The following FANCA variants were observed in gnomAD, a reference collection of about 807,000 sequenced individuals.
The protein encoded by FANCA is FA complementation group A, also known as Fanconi anemia group A protein.
A neutral mutation model predicts 194.3 loss-of-function variants in FANCA; 236 were observed. The ratio of observed to expected loss-of-function variants is 1.21; its 90% confidence interval spans 1.09 to 1.35. The LOEUF is 1.35. Ranked by LOEUF, FANCA falls within the 40% of genes most tolerant of loss-of-function variation. The pLI, the probability that FANCA is intolerant of heterozygous loss-of-function variation, is 0.00. For synonymous variants in FANCA, 1,014 were observed against 715.8 expected, an observed-to-expected ratio of 1.42 and a Z score of -6.65; for missense variants, 2,628 against 1,813.9, an observed-to-expected ratio of 1.45 and a Z score of -8.15.
intron 35 of FANCA, among the ~76,000 whole-genome samples, chr16:89,746,380 G>A (rs1186619250): frequency 6.6e-6 from 1 of 152,178 alleles, no homozygotes; most frequent in African/African-American, 2.4e-5. Flanking sequence ...GGCGGTGGGG[G>A]CAGGGACGGT....
rs780078944 is a variant in FANCA, at chr16:89,774,729, C to CAAAAAAAAAAAAAAAAA, written c.1900+996_1900+1012dup. Among the ~76,000 whole-genome samples the CAAAAAAAAAAAAAAAAA allele has an allele frequency of 7.2e-4, 16 of 22,196 alleles. 5 individuals are homozygous for CAAAAAAAAAAAAAAAAA. Among genetic ancestry groups the CAAAAAAAAAAAAAAAAA allele is most frequent in the Non-Finnish European group, 1.1e-3 (13 of 12,282 alleles). 14.6% of individuals were successfully genotyped at this position (22,196 alleles called of 152,430 possible). A position where few individuals can be genotyped will look rare whatever the true frequency, so the allele number is the denominator to read the frequency against. ...TGGGCAACAGAGCGAGACTCTGTCTCAAAAAAAAAAAAAAAAAAAAAAAAA... is the reference window on the plus strand; with the variant it reads ...TGGGCAACAGAGCGAGACTCTGTCTCAAAAAAAAAAAAAAAAAAAAAAAAAAAAAAAAAAAAAAAAAA... On this transcript the variant is annotated intron_variant, in intron 21 of 42. Coordinates refer to ENST00000389301, the MANE Select transcript of FANCA (RefSeq NM_000135.4).
At chr16:89,743,017 C>A in intron 36 of FANCA, 79 bp from the exon 37 acceptor site, 1 of 1,536,086 alleles carries the variant, frequency 6.5e-7, no homozygotes. Flanking sequence ...CTTATTCCCA[C>A]CTGTCACCTT....
intron 7 of FANCA, 32 bp from the exon 8 acceptor site, chr16:89,803,373 G>A: frequency 6.3e-7 from 1 of 1,585,852 alleles, no homozygotes; most frequent in Non-Finnish European, 8.7e-7. Flanking sequence ...GTTATTTATG[G>A]ACATCATGGT....
At chr16:89,775,910 A>C in intron 20 of FANCA, 95 bp from the exon 21 acceptor site, 1 of 710,872 alleles carries the variant, frequency 1.4e-6, no homozygotes, top group South Asian at 1.8e-5. Context: ...AAAACATATT[A>C]AATTTAAATA....
At chr16:89,791,148 G>C (rs1598151226) in intron 14 of FANCA, 1 of 549,374 alleles carries the variant, frequency 1.8e-6, no homozygotes, top group Non-Finnish European at 3.3e-6. Context: ...ACAGAAACCA[G>C]GGGAAGGAGC....
chr16:89,778,627 TAAAAAAAAAAAAAA>T (rs397693835), intron 20 of FANCA, among the ~76,000 whole-genome samples, 160 bp downstream of exon 20: 14 of 29,934 alleles, frequency 4.7e-4, no homozygotes, highest in South Asian at 3.2e-3. Context: ...AGACTCCAAC[TAAAAAAAAAAAAAA>T]AAAAAAAAAA....
chr16:89,754,231 AAAAC>A (rs1455826039), intron 30 of FANCA, among the ~76,000 whole-genome samples: 83 of 148,298 alleles, frequency 5.6e-4, no homozygotes, highest in East Asian at 1.8e-3. Flanking sequence ...CAGAAAAAAA[AAAAC>A]AAAACAAAAC....
intron 5 of FANCA, among the ~76,000 whole-genome samples, chr16:89,810,179 T>A (rs541122924): frequency 6.6e-6 from 1 of 150,908 alleles, no homozygotes; most frequent in Admixed American, 6.6e-5. Flanking sequence ...AAAAATTAGC[T>A]GGGCGTGGTG....
intron 35 of FANCA, among the ~76,000 whole-genome samples, 188 bp downstream of exon 35, chr16:89,746,396 G>T (rs2038390817): frequency 6.6e-6 from 1 of 152,142 alleles, no homozygotes; most frequent in South Asian, 2.1e-4. Flanking sequence ...ACGGTTCTGG[G>T]AACTCAGGAT....
chr16:89,751,502 G>C (rs761598977), intron 31 of FANCA, among the ~76,000 whole-genome samples: 4 of 152,150 alleles, frequency 2.6e-5, no homozygotes, highest in African/African-American at 4.8e-5. Context: ...TTACAATTAA[G>C]AGGAAAAAGC....
At chr16:89,739,797 G>C in intron 39 of FANCA, 197 bp downstream of exon 39, 3 of 1,462,076 alleles carry the variant, frequency 2.1e-6, no homozygotes, top group South Asian at 1.4e-5. Context: ...TAGGCCCATT[G>C]GTCCTGGGGT....
At chr16:89,771,095 G>C (rs998011069) in intron 23 of FANCA, among the ~76,000 whole-genome samples, 1 of 150,990 alleles carries the variant, frequency 6.6e-6, no homozygotes, top group Admixed American at 6.6e-5. Flanking sequence ...AACCCAGGAG[G>C]TGGAGGCTGC....
intron 8 of FANCA, among the ~76,000 whole-genome samples, chr16:89,801,217 G>A (rs775665583): frequency 7.3e-5 from 11 of 151,036 alleles, no homozygotes; most frequent in African/African-American, 1.2e-4. Flanking sequence ...GGTGGTGGGC[G>A]CCTGTAGTCC....
chr16:89,782,158 G>C (rs1225500820), intron 17 of FANCA, among the ~76,000 whole-genome samples: 2 of 148,948 alleles, frequency 1.3e-5, no homozygotes, highest in African/African-American at 2.5e-5. Context: ...GGCAGATCAC[G>C]AGGTCAAGAG....
Position 89,793,130 on chromosome 16 carries a change from T to C in FANCA, c.1007-583A>G, listed in dbSNP as rs12598546. On this transcript the variant is annotated intron_variant, in intron 11 of 42. Coordinates refer to ENST00000389301, the MANE Select transcript of FANCA (RefSeq NM_000135.4). The stretch of plus-strand genomic sequence containing the variant: ...CTGATGTCAGGCCCTCCACAAGAGG[T>C]GGAGGAGCAGAGTCTTCTCTAAACT... Among the ~76,000 whole-genome samples, 45 of 151,986 alleles carry C rather than the reference T, an allele frequency of 3.0e-4. No individual in the cohort carries two copies. In the East Asian group the frequency reaches 8.0e-3, roughly 27 times the overall value.
intron 20 of FANCA, chr16:89,778,464 T>TA (rs56664732): frequency 0.062 from 12,353 of 200,586 alleles, no homozygotes; most frequent in South Asian, 0.08. Context: ...AGACTCCATC[T>TA]AAAAAAAAAA....
In FANCA at chr16:89,746,670, G is replaced by C. The variant is rs61753269; in HGVS notation, c.3427C>G (p.Leu1143Val). The change falls in exon 35 of 43, where the codon CTG becomes GTG. Residue 1143 changes from leucine (L) to valine (V), a missense_variant. Transcript: ENST00000389301. The stretch of plus-strand genomic sequence containing the variant: ...ATCAGGGAGGGGTCTCTGCTCCGCA[G>C]ACAGGCGTTCAGGAGGCCCTGCAGG... ...HFFRGLLNAC[L>V]RSRDPSLMVD... 4.8e-4 allele frequency: 778 copies of C among 1,614,148 alleles called. No individual in the cohort carries two copies. Among genetic ancestry groups the C allele is most frequent in the Middle Eastern group, 9.9e-4 (6 of 6,062 alleles).
chr16:89,776,755 CAGA>C (rs1306615686), intron 20 of FANCA, among the ~76,000 whole-genome samples: 2 of 151,818 alleles, frequency 1.3e-5, no homozygotes, highest in African/African-American at 2.4e-5. Context: ...GGCATGAACC[CAGA>C]AGGTGGAGCT....
chr16:89,789,307 G>T (rs902095482), intron 14 of FANCA, among the ~76,000 whole-genome samples: 3 of 89,108 alleles, frequency 3.4e-5, no homozygotes, highest in South Asian at 6.5e-4. Flanking sequence ...CAGAAGGCCT[G>T]GGGGGGGAGC....
Sources: allele counts gnomAD v4.1 joint callset (sites outside exome capture counted in the v4.1 genomes callset), GRCh38; gene constraint gnomAD v4.1.1; transcripts MANE v1.5; gene names NCBI Gene and HGNC (gene_info 2026-07-23, HGNC 2026-07-21).